Variants in MYT1L observed in about 807,000 individuals in gnomAD.
MYT1L encodes the protein myelin transcription factor 1-like protein.
A neutral mutation model predicts 126.7 loss-of-function variants in MYT1L; 12 were observed. That is an observed-to-expected ratio of 0.09 (90% CI 0.06 to 0.15). The LOEUF (loss-of-function observed/expected upper bound fraction) is 0.15, where lower values mean the gene tolerates loss of function less well. Among genes scored for constraint, MYT1L ranks in the 10% least tolerant of loss-of-function variants. The pLI is 1.00. For synonymous variants in MYT1L, 541 were observed against 604.2 expected (o/e 0.90, Z 1.53); for missense variants, 979 against 1,585.2 (o/e 0.62, Z 6.49).
chr2:1,799,279 T>G (rs191139197), intron 23 of MYT1L, among the ~76,000 whole-genome samples: 2 of 152,322 alleles, frequency 1.3e-5, no homozygotes, highest in South Asian at 4.1e-4. Flanking sequence ...GACACAGACC[T>G]GAGTGTTTCC....
At chr2:2,136,683 G>A (rs538395827) in intron 3 of MYT1L, among the ~76,000 whole-genome samples, 1 of 152,004 alleles carries the variant, frequency 6.6e-6, no homozygotes, top group East Asian at 1.9e-4. Context: ...TTTCTTTCTT[G>A]TCTTCAAAGA....
At chr2:1,854,265 A>G (rs6713413) in intron 18 of MYT1L, among the ~76,000 whole-genome samples, 85,979 of 151,884 alleles carry the variant, frequency 0.57, 25,180 homozygotes, top group Middle Eastern at 0.75. Flanking sequence ...GTGGCGGGGG[A>G]ACACTGTGAG....
intron 3 of MYT1L, among the ~76,000 whole-genome samples, chr2:2,086,639 G>A (rs908863631): frequency 6.6e-6 from 1 of 152,104 alleles, no homozygotes; most frequent in Non-Finnish European, 1.5e-5. Flanking sequence ...GCTTCTGCCT[G>A]CCCTGCTGTT....
At chr2:2,208,535 G>T (rs530122024) in intron 2 of MYT1L, among the ~76,000 whole-genome samples, 1 of 152,262 alleles carries the variant, frequency 6.6e-6, no homozygotes, top group South Asian at 2.1e-4. Flanking sequence ...ATATATGTAT[G>T]TAGGCTTGTA....
chr2:2,221,939 C>T (rs1048134008), intron 2 of MYT1L, among the ~76,000 whole-genome samples: 2 of 152,156 alleles, frequency 1.3e-5, no homozygotes, highest in Admixed American at 1.3e-4. Flanking sequence ...CCTGTTTTCC[C>T]ACAGAAAGGC....
intron 2 of MYT1L, among the ~76,000 whole-genome samples, chr2:2,273,506 C>T (rs915132654): frequency 1.3e-5 from 2 of 152,204 alleles, no homozygotes; most frequent in African/African-American, 4.8e-5. Flanking sequence ...TAGTAATCCT[C>T]CTAAGGACCA....
chr2:1,839,588 A>G (rs2148380378), intron 20 of MYT1L, among the ~76,000 whole-genome samples: 1 of 152,358 alleles, frequency 6.6e-6, no homozygotes. Context: ...GGCCTGACCC[A>G]TTGCAGATGG....
intron 3 of MYT1L, among the ~76,000 whole-genome samples, chr2:2,138,992 T>C (rs1378321655): frequency 6.6e-6 from 1 of 152,032 alleles, no homozygotes; most frequent in African/African-American, 2.4e-5. Flanking sequence ...CAACGGCACA[T>C]GCAAAACAAT....
At chr2:2,041,724 A>G (rs1031424258) in intron 4 of MYT1L, among the ~76,000 whole-genome samples, 4 of 152,156 alleles carry the variant, frequency 2.6e-5, no homozygotes, top group Non-Finnish European at 5.9e-5. Context: ...AAAGAAGGGA[A>G]GGGCCTGGTA....
intron 8 of MYT1L, among the ~76,000 whole-genome samples, chr2:1,946,103 T>A (rs1216760849): frequency 6.6e-6 from 1 of 152,116 alleles, no homozygotes; most frequent in Non-Finnish European, 1.5e-5. Context: ...AGCAGCCACA[T>A]CAGATTCTCA....
intron 8 of MYT1L, among the ~76,000 whole-genome samples, chr2:1,970,436 A>T (rs7578545): frequency 1.3e-5 from 2 of 152,012 alleles, no homozygotes; most frequent in Admixed American, 6.5e-5. Context: ...CCCAGCCCCC[A>T]TCTCACCAGC....
At chr2:1,913,195 G>A (rs926665127) in intron 11 of MYT1L, among the ~76,000 whole-genome samples, 2 of 152,174 alleles carry the variant, frequency 1.3e-5, no homozygotes, top group Admixed American at 6.5e-5. Flanking sequence ...ACATCCACAT[G>A]GTGTTGCTGT....
At chr2:2,189,097 ACACAGCAG>A (rs1482131153) in intron 2 of MYT1L, among the ~76,000 whole-genome samples, 1 of 152,180 alleles carries the variant, frequency 6.6e-6, no homozygotes, top group African/African-American at 2.4e-5. Context: ...TGCATTCTCC[ACACAGCAG>A]CAGGACCATC....
chr2:2,007,120 T>C (rs1194403962), intron 4 of MYT1L, among the ~76,000 whole-genome samples: 1 of 152,092 alleles, frequency 6.6e-6, no homozygotes, highest in Non-Finnish European at 1.5e-5. Flanking sequence ...TCTTGGCTAT[T>C]GTCAATCATG....
At chr2:2,061,781 A>G (rs1201860892) in intron 3 of MYT1L, among the ~76,000 whole-genome samples, 2 of 152,176 alleles carry the variant, frequency 1.3e-5, no homozygotes, top group African/African-American at 4.8e-5. Flanking sequence ...AGCCATCACA[A>G]TGAACAACAG....
At chr2:1,942,267 G>A (rs374592160) in intron 9 of MYT1L, among the ~76,000 whole-genome samples, 12 of 152,252 alleles carry the variant, frequency 7.9e-5, no homozygotes, top group South Asian at 4.2e-4. Context: ...GGTATTGTGC[G>A]TCGGATAGTA....
intron 2 of MYT1L, among the ~76,000 whole-genome samples, chr2:2,210,091 T>G (rs984478991): frequency 6.6e-6 from 1 of 152,224 alleles, no homozygotes; most frequent in Non-Finnish European, 1.5e-5. Context: ...TGTGTCTTCT[T>G]CTTTTGAGAG....
intron 1 of MYT1L, among the ~76,000 whole-genome samples, chr2:2,288,070 C>T (rs2095548994): frequency 1.3e-5 from 2 of 152,188 alleles, no homozygotes; most frequent in Non-Finnish European, 1.5e-5. Context: ...TTTCCTGACA[C>T]ACTCTAGTTC....
intron 2 of MYT1L, among the ~76,000 whole-genome samples, chr2:2,242,595 G>A (rs2094459963): frequency 6.6e-6 from 1 of 152,092 alleles, no homozygotes; most frequent in South Asian, 2.1e-4. Context: ...ATCAAGCACT[G>A]GTCACTTGGA....
Sources: gnomAD v4.1 joint callset for allele counts (sites outside exome capture counted in the v4.1 genomes callset) on GRCh38, gnomAD v4.1.1 for gene constraint, MANE v1.5 for transcripts, NCBI Gene and HGNC (gene_info 2026-07-23, HGNC 2026-07-21) for gene names.